Variants in PARP9 observed in about 807,000 individuals in gnomAD.
The protein encoded by PARP9 is poly(ADP-ribose) polymerase family member 9, also known as protein mono-ADP-ribosyltransferase PARP9.
PARP9 carries 48 observed loss-of-function variants against 68.8 expected under a neutral mutation model. The ratio of observed to expected loss-of-function variants is 0.70; its 90% CI spans 0.55 to 0.89. The LOEUF is 0.89. PARP9 is among the 40% of genes least tolerant of loss of function. The pLI is 0.00. For missense variants in PARP9, 806 were observed against 969.3 expected (o/e 0.83, Z 2.24); for synonymous variants, 309 against 333.8 (o/e 0.93, Z 0.81).
intron 4 of PARP9, among the ~76,000 whole-genome samples, chr3:122,554,494 G>A (rs2079472211): frequency 6.6e-6 from 1 of 152,088 alleles, no homozygotes. Flanking sequence ...TCCTCCGGGT[G>A]CCTAAGATAA....
In PARP9 at chr3:122,555,978, G is replaced by C. The variant is rs923814778; in HGVS notation, c.193C>G (p.Gln65Glu). 1 of 1,613,826 alleles carries C rather than the reference G, an allele frequency of 6.2e-7. No homozygotes were observed. Among genetic ancestry groups the C allele is most frequent in the Non-Finnish European group, 8.5e-7 (1 of 1,179,954 alleles). Residue 65 changes from glutamine to glutamate, a missense_variant, in exon 4 of 11, where the codon CAG (glutamine) becomes GAG (glutamate). Gln to Glu is a conservative substitution (Grantham distance 29, BLOSUM62 2). Around this residue, in one of 2 missense-constraint regions of PARP9, gnomAD observed 126 missense variants for 110.5 expected, o/e 1.14. Transcript: ENST00000682323. Reference sequence around the variant, plus strand: ...TGCAGAGATTTGCTGTTGCCTTCCTGAACTGGAGAGACCAGGGTAGAGATA... The same window carrying C: ...TGCAGAGATTTGCTGTTGCCTTCCTCAACTGGAGAGACCAGGGTAGAGATA... ...GCISTLVSPV[Q>E]EGNSKSLQVF...
chr3:122,561,383 G>A (rs1390557143), intron 1 of PARP9, among the ~76,000 whole-genome samples: 1 of 152,162 alleles, frequency 6.6e-6, no homozygotes, highest in Non-Finnish European at 1.5e-5. Context: ...TCACTTGGTG[G>A]GAAGTTCAGG....
At chr3:122,541,040 G>A (rs1424427525) in intron 7 of PARP9, among the ~76,000 whole-genome samples, 188 bp from the exon 8 acceptor site, 2 of 151,998 alleles carry the variant, frequency 1.3e-5, no homozygotes, top group East Asian at 3.9e-4. Context: ...ACAGGCGCCC[G>A]CCACCAAGCC....
At position 122,555,596 on chromosome 3, in the gene PARP9, T is replaced by C. The variant is rs2079568247; in HGVS notation, c.575A>G (p.Lys192Arg). 1 of 1,614,196 alleles carries C rather than the reference T, an allele frequency of 6.2e-7. No homozygotes were observed. Among genetic ancestry groups the C allele is most frequent in the Non-Finnish European group, 8.5e-7 (1 of 1,180,034 alleles). The change falls in exon 4 of 11, where the codon AAA (lysine) becomes AGA (arginine). Residue 192 changes from lysine to arginine, a missense_variant. Transcript: ENST00000682323. ...IVSILNYVIY[K>R]NTHIKTVAIP... is the part of the protein sequence containing the mutation. The stretch of plus-strand genomic sequence containing the variant: ...TGCTACTGTCTTAATGTGAGTATTT[T>C]TATAGATGACATAATTCAGAATACT...
At chr3:122,548,097 T>C (rs577917174) in intron 6 of PARP9, among the ~76,000 whole-genome samples, 14 of 152,300 alleles carry the variant, frequency 9.2e-5, no homozygotes, top group Admixed American at 7.8e-4. Context: ...GCTGTGACCA[T>C]CTCTTCTAAA....
intron 8 of PARP9, among the ~76,000 whole-genome samples, chr3:122,539,507 A>ATTCCTTTCTCTCTTTC (rs1553714534): frequency 7.5e-6 from 1 of 133,162 alleles, no homozygotes; most frequent in African/African-American, 2.9e-5. Context: ...CCAAGATGGC[A>ATTCCTTTCTCTCTTTC]TTTCTTTCTT....
In PARP9 at chr3:122,536,164, C is replaced by T; in HGVS notation, c.2080+4G>A. The T allele has an allele frequency of 3.1e-6, 5 of 1,614,128 alleles. No individual in the cohort carries two copies. The highest frequency in any genetic ancestry group is 4.2e-6 in the Non-Finnish European group (5 of 1,180,004). ...AGCCCCAATGATGAGGCATTGACAC[C>T]TACCGCAAGGTGTCGAGTACATTCT... On this transcript the variant is annotated splice_donor_region_variant and intron_variant, in intron 10 of 10. Coordinates refer to ENST00000682323, the MANE Select transcript of PARP9 (RefSeq NM_001146105.2).
chr3:122,556,625 T>C (rs1500530), intron 3 of PARP9, among the ~76,000 whole-genome samples: 1 of 151,862 alleles, frequency 6.6e-6, no homozygotes, highest in Non-Finnish European at 1.5e-5. Flanking sequence ...ATGTAAGTAG[T>C]TTATTTGGGA....
At chr3:122,547,013 T>TATATATATATATATAC (rs1491341009) in intron 6 of PARP9, among the ~76,000 whole-genome samples, 1 of 61,410 alleles carries the variant, frequency 1.6e-5, no homozygotes, top group Non-Finnish European at 3.5e-5. Flanking sequence ...TATATATATA[T>TATATATATATATATAC]ACACACACAC....
In PARP9 at chr3:122,545,318, C is replaced by A. The variant is rs2078618294; in HGVS notation, c.1384+114G>T. Reference sequence around the variant, plus strand: ...CAGGTATCCAAGCAGGACCACAATGCAATACCTTTGGCTTATTTATTCTTC... The same window carrying A: ...CAGGTATCCAAGCAGGACCACAATGAAATACCTTTGGCTTATTTATTCTTC... On this transcript the variant is annotated intron_variant, in intron 7 of 10. Coordinates refer to ENST00000682323, the MANE Select transcript of PARP9 (RefSeq NM_001146105.2). 6 of 1,055,252 alleles carry A rather than the reference C, an allele frequency of 5.7e-6. No homozygotes were observed. In the East Asian group the frequency reaches 7.2e-5, roughly 13 times the overall value. The allele number at this position is 1,055,252 out of a possible 1,614,324, so 65.4% of individuals were successfully genotyped here.
At chr3:122,545,318 C>G in intron 7 of PARP9, 114 bp downstream of exon 7, 1 of 1,055,374 alleles carries the variant, frequency 9.5e-7, no homozygotes, top group Non-Finnish European at 1.5e-6. Flanking sequence ...GACCACAATG[C>G]AATACCTTTG....
chr3:122,558,594 C>G (rs142740225), intron 2 of PARP9, 127 bp from the exon 3 acceptor site: 80 of 1,122,616 alleles, frequency 7.1e-5, no homozygotes, highest in Non-Finnish European at 7.4e-5. Flanking sequence ...TTTGGGAGGG[C>G]AGGAAGCATG....
At chr3:122,535,515 T>C (rs1271205043) in intron 10 of PARP9, 2 of 985,320 alleles carry the variant, frequency 2.0e-6, no homozygotes, top group Non-Finnish European at 2.4e-6. Flanking sequence ...TAAATTTCTT[T>C]TCCTCTTTTG....
intron 10 of PARP9, chr3:122,535,279 G>A (rs2077559363): frequency 4.1e-6 from 4 of 985,340 alleles, no homozygotes; most frequent in Non-Finnish European, 4.8e-6. Context: ...TTTATCCCCA[G>A]TAATTGTCTA....
At chr3:122,536,779 GC>G in intron 9 of PARP9, 154 bp downstream of exon 9, 2 of 851,258 alleles carry the variant, frequency 2.3e-6, no homozygotes, top group Non-Finnish European at 1.8e-6. Flanking sequence ...CCTCGTGCCT[GC>G]CCTGCCCTGC....
At chr3:122,564,717 GTA>G, upstream of PARP9, 1 of 1,373,504 alleles carries the variant, frequency 7.3e-7, no homozygotes, top group South Asian at 1.4e-5. Context: ...GCGGGAGAAA[GTA>G]TGTCACTGTG....
At chr3:122,534,678 G>T in intron 10 of PARP9, 1 of 191,580 alleles carries the variant, frequency 5.2e-6, no homozygotes, top group Non-Finnish European at 9.6e-6. Context: ...CTGGAGATCA[G>T]CCTGGCCAAC....
At chr3:122,544,309 C>T (rs1276659504) in intron 7 of PARP9, among the ~76,000 whole-genome samples, 14 of 152,178 alleles carry the variant, frequency 9.2e-5, no homozygotes, top group Non-Finnish European at 1.2e-4. Context: ...TCTATCTTCC[C>T]AGTCATTATT....
rs1483514519 is a variant in PARP9, at chr3:122,558,539, C to T, written c.16-72G>A. 48 of 1,538,814 alleles carry T rather than the reference C, an allele frequency of 3.1e-5. No individual in the cohort carries two copies. In the Admixed American group the frequency reaches 7.8e-4, roughly 25 times the overall value. ...CTACAGCTTACTGATAACCAATACACCCTAGTAAACACAATGCAATGGAAA... is the reference window on the plus strand; with the variant it reads ...CTACAGCTTACTGATAACCAATACATCCTAGTAAACACAATGCAATGGAAA... On this transcript the variant is annotated intron_variant, in intron 2 of 10. Coordinates refer to ENST00000682323, the MANE Select transcript of PARP9 (RefSeq NM_001146105.2).
Sources: allele counts gnomAD v4.1 joint callset (sites outside exome capture counted in the v4.1 genomes callset), GRCh38; gene constraint gnomAD v4.1.1; regional missense constraint gnomAD v4.1.1; transcripts MANE v1.5; gene names NCBI Gene and HGNC (gene_info 2026-07-23, HGNC 2026-07-21).